FRS2: variants seen among roughly 807,000 people sequenced by gnomAD.
The protein encoded by FRS2 is FGFR signalling adaptor.
Under a neutral mutation model 43.9 loss-of-function variants are expected in FRS2, and 8 were observed. That is an observed-to-expected ratio of 0.18 (90% CI 0.11 to 0.33). FRS2 has a LOEUF of 0.33. Ranked by LOEUF, FRS2 falls within the 10% of genes least tolerant of loss-of-function variation. The pLI is 1.00. For synonymous variants in FRS2, 219 were observed against 220.3 expected (o/e 0.99, Z 0.05); for missense variants, 534 against 627.6 (o/e 0.85, Z 1.59).
chr12:69,557,633 C>CGCGCGT (rs1879526437), intron 3 of FRS2, among the ~76,000 whole-genome samples: 1 of 129,424 alleles, frequency 7.7e-6, no homozygotes, highest in African/African-American at 3.4e-5. Flanking sequence ...CGCGCGCGCG[C>CGCGCGT]GCGCAGGTGC....
intron 1 of FRS2, among the ~76,000 whole-genome samples, chr12:69,482,434 C>G (rs781346083): frequency 6.6e-6 from 1 of 152,156 alleles, no homozygotes; most frequent in East Asian, 1.9e-4. Context: ...CCCCCTAACC[C>G]TCTACCTCCC....
intron 1 of FRS2, among the ~76,000 whole-genome samples, chr12:69,471,476 T>C (rs1395481495): frequency 6.6e-6 from 1 of 152,240 alleles, no homozygotes; most frequent in African/African-American, 2.4e-5. Flanking sequence ...CTTGAGAGAT[T>C]CCTTACACTG....
intron 1 of FRS2, among the ~76,000 whole-genome samples, chr12:69,518,768 A>G (rs904931337): frequency 2.3e-4 from 35 of 151,886 alleles, no homozygotes; most frequent in African/African-American, 8.5e-4. Flanking sequence ...TAATCCCAGC[A>G]CTTTGGGAGG....
chr12:69,541,824 C>CAA (rs10605112), intron 3 of FRS2, among the ~76,000 whole-genome samples: 14 of 90,780 alleles, frequency 1.5e-4, no homozygotes, highest in Middle Eastern at 5.2e-3. Context: ...GACCCTGTCT[C>CAA]AAAAAAAAAA....
At chr12:69,517,334 A>G (rs1875157477) in intron 1 of FRS2, among the ~76,000 whole-genome samples, 1 of 152,214 alleles carries the variant, frequency 6.6e-6, no homozygotes, top group Admixed American at 6.5e-5. Context: ...AATGAATTTC[A>G]TGTTTAGACT....
intron 4 of FRS2, among the ~76,000 whole-genome samples, chr12:69,563,407 A>C (rs1393112507): frequency 6.6e-6 from 1 of 152,042 alleles, no homozygotes; most frequent in Non-Finnish European, 1.5e-5. Flanking sequence ...TACTGAGGCC[A>C]CCTGTTTTTT....
intron 3 of FRS2, among the ~76,000 whole-genome samples, chr12:69,555,762 A>G (rs1051559281): frequency 1.3e-5 from 2 of 152,216 alleles, no homozygotes; most frequent in African/African-American, 4.8e-5. Context: ...ACTATACAGA[A>G]CAAACATTTT....
intron 3 of FRS2, among the ~76,000 whole-genome samples, chr12:69,535,328 ATG>A (rs774833308): frequency 2.6e-5 from 4 of 152,166 alleles, no homozygotes; most frequent in Non-Finnish European, 5.9e-5. Context: ...CTTAAATGAA[ATG>A]TGTTATTTTT....
chr12:69,539,847 C>T (rs747372595), intron 3 of FRS2, among the ~76,000 whole-genome samples: 9 of 151,752 alleles, frequency 5.9e-5, no homozygotes, highest in Non-Finnish European at 1.0e-4. Flanking sequence ...CCCAGCTACT[C>T]GGGAGGCTCA....
intron 1 of FRS2, among the ~76,000 whole-genome samples, chr12:69,514,606 G>A (rs931620078): frequency 6.6e-6 from 1 of 152,180 alleles, no homozygotes; most frequent in East Asian, 1.9e-4. Flanking sequence ...GCTGAGGTGG[G>A]TGGATCACCT....
chr12:69,502,280 G>T (rs185350498), intron 1 of FRS2, among the ~76,000 whole-genome samples: 1 of 151,956 alleles, frequency 6.6e-6, no homozygotes, highest in Non-Finnish European at 1.5e-5. Context: ...CCTATCTTTT[G>T]TATTAAAGGG....
At position 69,572,225 on chromosome 12, in the gene FRS2, C is replaced by T. The variant is rs1291591955; in HGVS notation, c.520C>T (p.Arg174Cys). 12 of 1,612,642 alleles carry T rather than the reference C, an allele frequency of 7.4e-6. No individual in the cohort carries two copies. Among genetic ancestry groups the T allele is most frequent in the African/African-American group, 2.7e-5 (2 of 74,756 alleles). Residue 174 changes from arginine to cysteine, a missense_variant, in exon 8 of 9, where the codon CGC becomes TGC. Arg to Cys is a radical substitution (Grantham distance 180). Coordinates refer to ENST00000549921, the MANE Select transcript of FRS2 (RefSeq NM_001278356.2). ...SSRHPSVGSA[R>C]LPSVGEESTH... is the part of the protein sequence containing the mutation. ...CAGACATCCTTCTGTGGGAAGTGCT[C>T]GCCTGCCTTCAGTAGGGGAAGAATC...
chr12:69,510,559 C>A (rs947688097), intron 1 of FRS2, among the ~76,000 whole-genome samples: 1 of 152,090 alleles, frequency 6.6e-6, no homozygotes, highest in African/African-American at 2.4e-5. Context: ...TCATTGTACC[C>A]TTTATCACTA....
intron 1 of FRS2, among the ~76,000 whole-genome samples, chr12:69,505,378 A>G (rs1368890665): frequency 6.6e-6 from 1 of 152,240 alleles, no homozygotes; most frequent in Admixed American, 6.5e-5. Flanking sequence ...TACTAATTCC[A>G]TAAAATAAAG....
At chr12:69,563,102 G>A (rs1880000027) in intron 4 of FRS2, among the ~76,000 whole-genome samples, 1 of 152,180 alleles carries the variant, frequency 6.6e-6, no homozygotes, top group Non-Finnish European at 1.5e-5. Context: ...AGGAGTGTAT[G>A]CAAATGAGAT....
At chr12:69,563,292 C>T (rs1880016047) in intron 4 of FRS2, among the ~76,000 whole-genome samples, 1 of 152,128 alleles carries the variant, frequency 6.6e-6, no homozygotes, top group African/African-American at 2.4e-5. Context: ...TGGATGAAAA[C>T]TTCACATTAA....
At position 69,492,675 on chromosome 12, in the gene FRS2, T is replaced by A. The variant is rs537463677; in HGVS notation, c.-261+22145T>A. On this transcript the variant is annotated intron_variant, in intron 1 of 8. Transcript: ENST00000549921. ...AGCTTGGCTCCATATGGATTTTTTT[T>A]AGGGATGCTCTAACTATTCTTCCCT... 2.6e-5 allele frequency among the ~76,000 whole-genome samples: 4 copies of A among 152,334 alleles called. No individual in the cohort carries two copies. In the South Asian group the frequency reaches 6.2e-4, roughly 24 times the overall value.
rs1311531148 is a variant in FRS2 at position 69,577,646 on chromosome 12, C to T, written c.*2691C>T. ...AAATCATAACAGCATCTATCCCATG[C>T]TAGGGTTGGAAACTGATATTGGTAT... is the stretch of plus-strand genomic sequence containing the variant. On this transcript the variant is annotated 3_prime_UTR_variant, in exon 9 of 9. Transcript: ENST00000549921. The T allele has an allele frequency of 2.0e-5, 3 of 152,540 alleles. No individual in the cohort carries two copies. The highest frequency in any genetic ancestry group is 1.3e-4 in the Admixed American group (2 of 15,270). 9.4% of individuals were successfully genotyped at this position (152,540 alleles called of 1,614,324 possible).
intron 3 of FRS2, among the ~76,000 whole-genome samples, chr12:69,552,045 C>T (rs1005439815): frequency 2.0e-5 from 3 of 151,912 alleles, no homozygotes. Flanking sequence ...GTGGCTCATG[C>T]CTGTAATCCC....
Sources: gnomAD v4.1 joint callset for allele counts (sites outside exome capture counted in the v4.1 genomes callset) on GRCh38, gnomAD v4.1.1 for gene constraint, MANE v1.5 for transcripts, NCBI Gene and HGNC (gene_info 2026-07-23, HGNC 2026-07-21) for gene names.